FAM186B: variants seen among roughly 807,000 people sequenced by gnomAD.
FAM186B encodes family with sequence similarity 186 member B, also known as protein FAM186B.
Under a neutral mutation model 83.4 loss-of-function variants are expected in FAM186B, and 68 were observed. The observed-to-expected ratio is 0.81, with a 90% CI of 0.67 to 1.00. FAM186B has a LOEUF of 1.00. Among genes scored for constraint, FAM186B ranks in the 50% least tolerant of loss-of-function variants. FAM186B has a pLI of 0.00. For missense variants in FAM186B, 983 were observed against 1,099.2 expected, an observed-to-expected ratio of 0.89 and a Z score of 1.49; for synonymous variants, 389 against 422.0, an observed-to-expected ratio of 0.92 and a Z score of 0.96.
Position 49,587,575 on chromosome 12 carries a change from C to T in FAM186B, c.*30G>A, listed in dbSNP as rs1939473918. ...TCAGCCTCGCACCTTACTGGGCCTT[C>T]AGGAAGTTCAGGCTTTTGTGGCAGG... On this transcript the variant is annotated 3_prime_UTR_variant, in exon 7 of 7. Coordinates refer to ENST00000257894, the MANE Select transcript of FAM186B (RefSeq NM_032130.3). 3.1e-6 allele frequency: 5 copies of T among 1,614,052 alleles called. No homozygotes were observed. Among genetic ancestry groups the T allele is most frequent in the Non-Finnish European group, 2.5e-6 (3 of 1,179,940 alleles).
At chr12:49,583,796 G>A (rs1389858391), downstream of FAM186B, 1 of 153,272 alleles carries the variant, frequency 6.5e-6, no homozygotes, top group East Asian at 1.9e-4. Context: ...GTGCTGGTGA[G>A]TGGAGAAGGA....
chr12:49,619,960 A>G, the FAM186B span, among the ~76,000 whole-genome samples: 1 of 151,964 alleles, frequency 6.6e-6, no homozygotes, highest in African/African-American at 2.4e-5. Flanking sequence ...GATTACAGGC[A>G]TGAGCCACCG....
At chr12:49,605,234 T>C in intron 1 of FAM186B, 148 bp downstream of exon 1, 1 of 1,483,068 alleles carries the variant, frequency 6.7e-7, no homozygotes, top group East Asian at 2.5e-5. Context: ...GAGAGATAAT[T>C]TATACTAATC....
intron 1 of FAM186B, chr12:49,605,096 TA>T: frequency 8.9e-7 from 1 of 1,123,764 alleles, no homozygotes; most frequent in Non-Finnish European, 1.2e-6. Flanking sequence ...TCCTGCCCTC[TA>T]AAACCCACCA....
At chr12:49,619,381 A>C in the FAM186B span, 1 of 422,972 alleles carries the variant, frequency 2.4e-6, no homozygotes, top group South Asian at 4.4e-5. Flanking sequence ...AAATCTAGGG[A>C]TCCAAACTTA....
Position 49,599,902 on chromosome 12 carries a change from G to C in FAM186B, c.1738C>G (p.Pro580Ala). Residue 580 changes from proline (P) to alanine (A), a missense_variant, in exon 4 of 7, where the codon CCA (proline) becomes GCA (alanine). Transcript: ENST00000257894. ...TGGTGAGCAGATTGGGTCCGGCTTGGGGCAGGCACTAATGATAGCTCTGCC... is the reference window on the plus strand; with the variant it reads ...TGGTGAGCAGATTGGGTCCGGCTTGCGGCAGGCACTAATGATAGCTCTGCC... ...EKAELSLVPA[P>A]SRTQSAHQSR... 6.2e-7 allele frequency: 1 copy of C among 1,612,330 alleles called. No homozygotes were observed. The highest frequency in any genetic ancestry group is 1.3e-5 in the African/African-American group (1 of 74,986).
At chr12:49,604,273 C>T in intron 2 of FAM186B, 40 bp downstream of exon 2, 3 of 1,542,660 alleles carry the variant, frequency 1.9e-6, no homozygotes, top group Non-Finnish European at 2.7e-6. Flanking sequence ...ACCCACACTC[C>T]CCTCCCAGAG....
At chr12:49,599,080 G>T in intron 4 of FAM186B, 133 bp from the exon 5 acceptor site, 1 of 920,152 alleles carries the variant, frequency 1.1e-6, no homozygotes, top group Non-Finnish European at 1.6e-6. Context: ...GAGAGCTGGG[G>T]AAAATGGGGC....
intron 2 of FAM186B, among the ~76,000 whole-genome samples, chr12:49,603,969 C>G (rs1939953846): frequency 6.6e-6 from 1 of 152,202 alleles, no homozygotes; most frequent in Non-Finnish European, 1.5e-5. Context: ...TTGCTCACAG[C>G]TGGCATCAGG....
the FAM186B span, among the ~76,000 whole-genome samples, chr12:49,615,054 G>A: frequency 1.3e-5 from 2 of 151,998 alleles, no homozygotes; most frequent in African/African-American, 2.4e-5. Context: ...CGTGAACCCA[G>A]GGAGGCAGAG....
chr12:49,601,098 C>T lies in FAM186B; in HGVS notation c.542G>A (p.Arg181Lys), dbSNP rs138001342. ...ATGGGATGGAGATGTCTGTGGGCTT[C>T]TTCCCTGCCAGCCCTGCCAGAAGGT... ...KRTFWQGWQG[R>K]SPQTSPSHPQ... Residue 181 changes from arginine to lysine, a missense_variant, in exon 4 of 7, where the codon AGA (arginine) becomes AAA (lysine). By Grantham distance (26) the Arg-to-Lys change is conservative. Coordinates refer to ENST00000257894, the MANE Select transcript of FAM186B (RefSeq NM_032130.3). 2 of 1,583,974 alleles carry T rather than the reference C, an allele frequency of 1.3e-6. No individual in the cohort carries two copies. Among genetic ancestry groups the T allele is most frequent in the Non-Finnish European group, 1.7e-6 (2 of 1,162,856 alleles).
At position 49,600,457 on chromosome 12, in the gene FAM186B, T is replaced by C. The variant is rs754901351; in HGVS notation, c.1183A>G (p.Met395Val). 2 of 1,613,526 alleles carry C rather than the reference T, an allele frequency of 1.2e-6. No individual in the cohort carries two copies. The highest frequency in any genetic ancestry group is 1.7e-6 in the Non-Finnish European group (2 of 1,179,644). Residue 395 changes from methionine to valine, a missense_variant, in exon 4 of 7, where the codon ATG (methionine) becomes GTG (valine). Met to Val is a conservative substitution (Grantham distance 21, BLOSUM62 1). Coordinates refer to ENST00000257894, the MANE Select transcript of FAM186B (RefSeq NM_032130.3). This position sits in a 1 kb window ranked among gnomAD's most constrained non-coding sequence, Gnocchi z 4.3. ...IAAGHQPLSTMTVRSRVADVF... is the reference protein window; with the variant it reads ...IAAGHQPLSTVTVRSRVADVF... ...TCTGCGACCCTCGAGCGCACAGTCA[T>C]GGTGGAAAGTGGCTGGTGCCCTGCA...
chr12:49,596,667 G>A (rs1939734386), intron 5 of FAM186B, among the ~76,000 whole-genome samples: 1 of 152,186 alleles, frequency 6.6e-6, no homozygotes, highest in Non-Finnish European at 1.5e-5. Flanking sequence ...AGGGAACCCT[G>A]TGCACTATTC....
chr12:49,608,818 A>G (rs1940058677), upstream of FAM186B, among the ~76,000 whole-genome samples: 1 of 151,894 alleles, frequency 6.6e-6, no homozygotes, highest in African/African-American at 2.4e-5. Context: ...AGATACAAGC[A>G]ACAGAGGCCA....
chr12:49,590,923 T>C (rs935344987), intron 5 of FAM186B, among the ~76,000 whole-genome samples: 1 of 152,188 alleles, frequency 6.6e-6, no homozygotes, highest in African/African-American at 2.4e-5. Flanking sequence ...TTAAAATGAA[T>C]CTTAATAGTA....
intron 3 of FAM186B, among the ~76,000 whole-genome samples, chr12:49,602,429 G>T (rs1170137283): frequency 6.6e-6 from 1 of 152,134 alleles, no homozygotes; most frequent in African/African-American, 2.4e-5. Context: ...TGTTAATTAA[G>T]CCCTGAGCAT....
chr12:49,599,870 C>T lies in FAM186B; in HGVS notation c.1770G>A (p.Arg590=), dbSNP rs571026024. 2.9e-4 allele frequency: 473 copies of T among 1,608,728 alleles called. 12 individuals are homozygous for T. The South Asian group carries it at 5.1e-3, about 17-fold the overall frequency. The change falls in exon 4 of 7, where the codon AGG becomes AGA. Residue 590 remains arginine (R), a synonymous_variant. Transcript: ENST00000257894. ...PSRTQSAHQS[R]RPHLPMSPST... ...TAGGAGACATGGGCAAGTGTGGCCT[C>T]CTGCTTTGGTGAGCAGATTGGGTCC...
chr12:49,584,435 G>A, downstream of FAM186B: 1 of 695,562 alleles, frequency 1.4e-6, no homozygotes. Flanking sequence ...AGTTCTCTGT[G>A]GGTTTCCGTC....
chr12:49,618,052 G>C, the FAM186B span, among the ~76,000 whole-genome samples: 3 of 152,110 alleles, frequency 2.0e-5, no homozygotes, highest in Non-Finnish European at 4.4e-5. Context: ...ACTGTGCAAA[G>C]AAGCTCATGA....
Sources: gnomAD v4.1 joint callset for allele counts (sites outside exome capture counted in the v4.1 genomes callset) on GRCh38, gnomAD v4.1.1 for gene constraint, Gnocchi (gnomAD v3.1) non-coding constraint, MANE v1.5 for transcripts, NCBI Gene and HGNC (gene_info 2026-07-23, HGNC 2026-07-21) for gene names.